The following LOC400499 variants were observed in gnomAD, a reference collection of about 807,000 sequenced individuals.
At chr16:11,389,081 T>G in the LOC400499 span, among the ~76,000 whole-genome samples, 2 of 152,036 alleles carry the variant, frequency 1.3e-5, no homozygotes, top group African/African-American at 4.8e-5. Context: ...AGAACAAGAC[T>G]CCATCTCAAA....
At chr16:11,377,869 T>C in the LOC400499 span, among the ~76,000 whole-genome samples, 27,903 of 152,194 alleles carry the variant, frequency 0.18, 3,263 homozygotes, top group African/African-American at 0.33. Flanking sequence ...AGGATTGGTA[T>C]TGATTCTTCA....
chr16:11,385,154 G>T, the LOC400499 span: 1 of 1,230,458 alleles, frequency 8.1e-7, no homozygotes, highest in Non-Finnish European at 1.0e-6. Context: ...ACCTGCCATG[G>T]GCACAGGTCT....
chr16:11,413,344 C>T, the LOC400499 span, among the ~76,000 whole-genome samples: 1 of 152,124 alleles, frequency 6.6e-6, no homozygotes, highest in African/African-American at 2.4e-5. Flanking sequence ...GACATCCTGG[C>T]CCCCTGACCC....
the LOC400499 span, among the ~76,000 whole-genome samples, chr16:11,400,688 G>A: frequency 1.3e-5 from 2 of 152,160 alleles, no homozygotes; most frequent in East Asian, 3.9e-4. Context: ...TGATCCACTG[G>A]CCTCGGCCTC....
chr16:11,473,342 TA>T, the LOC400499 span, among the ~76,000 whole-genome samples: 306 of 119,878 alleles, frequency 2.6e-3, no homozygotes, highest in Middle Eastern at 8.3e-3. Flanking sequence ...AACCTTACTC[TA>T]AAAAAAAAAA....
chr16:11,458,624 G>C, the LOC400499 span, among the ~76,000 whole-genome samples: 2 of 152,196 alleles, frequency 1.3e-5, no homozygotes, highest in African/African-American at 2.4e-5. Context: ...GGAGAGAATG[G>C]GGAGTCAGCA....
At chr16:11,381,218 T>G in the LOC400499 span, 3 of 152,192 alleles carry the variant, frequency 2.0e-5, no homozygotes, top group Middle Eastern at 3.2e-3. Context: ...TGCAAACATT[T>G]TTCATGCATT....
the LOC400499 span, chr16:11,435,909 G>A: frequency 1.3e-5 from 5 of 399,124 alleles, no homozygotes; most frequent in East Asian, 1.8e-4. Flanking sequence ...GGACAGGAAG[G>A]GTCTATGGGA....
the LOC400499 span, among the ~76,000 whole-genome samples, chr16:11,411,731 C>T: frequency 6.6e-6 from 1 of 152,144 alleles, no homozygotes; most frequent in African/African-American, 2.4e-5. Flanking sequence ...ATGGGAGTCC[C>T]AGCAGGGTCT....
chr16:11,463,048 C>G, the LOC400499 span, among the ~76,000 whole-genome samples: 1 of 152,208 alleles, frequency 6.6e-6, no homozygotes, highest in Non-Finnish European at 1.5e-5. Context: ...TCTTACAGTA[C>G]AACCCAAAGT....
chr16:11,522,132 AC>A, the LOC400499 span: 1 of 398,888 alleles, frequency 2.5e-6, no homozygotes, highest in East Asian at 3.6e-5. Context: ...AGAGAGAGAG[AC>A]AGCAATGTCA....
the LOC400499 span, among the ~76,000 whole-genome samples, chr16:11,432,356 C>G: frequency 6.6e-5 from 10 of 152,250 alleles, no homozygotes; most frequent in African/African-American, 2.4e-4. Context: ...ATCTAACCAA[C>G]AGACTCTGAC....
chr16:11,399,271 T>A, the LOC400499 span: 1 of 984,336 alleles, frequency 1.0e-6, no homozygotes, highest in Non-Finnish European at 1.2e-6. Context: ...TTTTCTTGTC[T>A]TCCAGAGCCC....
chr16:11,471,819 T>G, the LOC400499 span: 14 of 399,162 alleles, frequency 3.5e-5, no homozygotes, highest in South Asian at 7.6e-4. Flanking sequence ...TGTAGGACAC[T>G]GCAGAGAGAG....
the LOC400499 span, among the ~76,000 whole-genome samples, chr16:11,408,400 A>T: frequency 6.6e-6 from 1 of 151,362 alleles, no homozygotes; most frequent in East Asian, 1.9e-4. Flanking sequence ...CCACATTAGG[A>T]GGATGTTTTG....
At chr16:11,448,183 G>A in the LOC400499 span, 1 of 1,324,776 alleles carries the variant, frequency 7.5e-7, no homozygotes, top group Non-Finnish European at 1.0e-6. Flanking sequence ...ATCACCCCCA[G>A]AAATGACTAT....
At chr16:11,487,687 C>G in the LOC400499 span, among the ~76,000 whole-genome samples, 35 of 152,312 alleles carry the variant, frequency 2.3e-4, no homozygotes, top group Non-Finnish European at 8.8e-5. Context: ...AAAGAGATTC[C>G]CTTTTTTATT....
At chr16:11,524,149 C>T in the LOC400499 span, among the ~76,000 whole-genome samples, 61 of 29,474 alleles carry the variant, frequency 2.1e-3, 3 homozygotes, top group Middle Eastern at 0.011. Flanking sequence ...CCCCCCCATC[C>T]GTCCATCCAC....
the LOC400499 span, chr16:11,522,019 C>T: frequency 2.5e-6 from 1 of 399,076 alleles, no homozygotes; most frequent in Non-Finnish European, 4.4e-6. Flanking sequence ...AAGACCACTC[C>T]CCTCCACCAG....
Sources: gnomAD v4.1 joint callset for allele counts (sites outside exome capture counted in the v4.1 genomes callset) on GRCh38, gnomAD v4.1.1 for gene constraint, MANE v1.5 for transcripts.